The following CNTN1 variants were observed in gnomAD, a reference collection of about 807,000 sequenced individuals.
CNTN1 encodes contactin 1.
In CNTN1, 38 loss-of-function variants were observed where a neutral mutation model predicts 126.4. The ratio of observed to expected loss-of-function variants is 0.30; its 90% CI spans 0.23 to 0.39. CNTN1 has a LOEUF of 0.39. Among genes scored for constraint, CNTN1 ranks in the 10% least tolerant of loss-of-function variants. The pLI is 1.00. For synonymous variants in CNTN1, 413 were observed against 422.6 expected, an observed-to-expected ratio of 0.98 and a Z score of 0.28; for missense variants, 1,009 against 1,248.4, an observed-to-expected ratio of 0.81 and a Z score of 2.89.
chr12:40,699,758 TA>T (rs111410321), intron 1 of CNTN1, among the ~76,000 whole-genome samples: 85 of 146,178 alleles, frequency 5.8e-4, no homozygotes, highest in East Asian at 4.6e-3. Context: ...CATTTACAGA[TA>T]AAAAAAAAAA....
intron 23 of CNTN1, among the ~76,000 whole-genome samples, chr12:41,033,373 T>A (rs1231559259): frequency 6.6e-6 from 1 of 152,182 alleles, no homozygotes; most frequent in Non-Finnish European, 1.5e-5. Context: ...ATAAGCTAAT[T>A]TGGATTACTA....
chr12:40,889,695 AG>A (rs1235119433), intron 1 of CNTN1, among the ~76,000 whole-genome samples: 3 of 152,218 alleles, frequency 2.0e-5, no homozygotes, highest in Non-Finnish European at 4.4e-5. Flanking sequence ...TATTAAAAAA[AG>A]ATAATTCACA....
At chr12:40,834,605 G>C (rs2136561738) in intron 1 of CNTN1, among the ~76,000 whole-genome samples, 1 of 152,154 alleles carries the variant, frequency 6.6e-6, no homozygotes, top group South Asian at 2.1e-4. Context: ...TGAAGAACTG[G>C]GTGGATAGGC....
chr12:40,956,828 G>A (rs1566033894), intron 14 of CNTN1, among the ~76,000 whole-genome samples: 1 of 152,066 alleles, frequency 6.6e-6, no homozygotes, highest in African/African-American at 2.4e-5. Flanking sequence ...TTTTTAAAAG[G>A]TTATTCTAGG....
At chr12:40,704,727 G>T (rs1035158266) in intron 1 of CNTN1, among the ~76,000 whole-genome samples, 1 of 152,142 alleles carries the variant, frequency 6.6e-6, no homozygotes, top group South Asian at 2.1e-4. Context: ...CTAAGGAAAA[G>T]ATGTACAGTA....
intron 23 of CNTN1, among the ~76,000 whole-genome samples, chr12:41,034,589 A>G (rs1949215664): frequency 6.6e-6 from 1 of 152,224 alleles, no homozygotes; most frequent in South Asian, 2.1e-4. Context: ...TGTCTCTTCA[A>G]CCATCTTGAA....
At chr12:40,838,809 C>CAA (rs1470035511) in intron 1 of CNTN1, among the ~76,000 whole-genome samples, 1 of 152,066 alleles carries the variant, frequency 6.6e-6, no homozygotes, top group Non-Finnish European at 1.5e-5. Context: ...TAGGAAGAAG[C>CAA]AACAGTTACA....
intron 1 of CNTN1, among the ~76,000 whole-genome samples, chr12:40,830,106 CCTCT>C (rs1167702776): frequency 6.6e-6 from 1 of 152,106 alleles, no homozygotes; most frequent in Non-Finnish European, 1.5e-5. Context: ...CTTATCTAAA[CCTCT>C]CTGTCTTCTT....
intron 1 of CNTN1, among the ~76,000 whole-genome samples, chr12:40,849,887 T>C (rs1467659778): frequency 2.0e-5 from 3 of 152,014 alleles, no homozygotes; most frequent in African/African-American, 4.8e-5. Flanking sequence ...ACATACAGTA[T>C]ATATATAGTA....
intron 6 of CNTN1, among the ~76,000 whole-genome samples, chr12:40,924,881 C>CATATATAGATATATATATATAT (rs1945585782): frequency 8.9e-6 from 1 of 112,092 alleles, no homozygotes; most frequent in Admixed American, 8.8e-5. Context: ...AGTTTATAAA[C>CATATATAGATATATATATATAT]ATATATATAT....
At chr12:41,048,887 A>G (rs980364992) in intron 23 of CNTN1, among the ~76,000 whole-genome samples, 1 of 152,192 alleles carries the variant, frequency 6.6e-6, no homozygotes, top group African/African-American at 2.4e-5. Context: ...ATAATTTATC[A>G]TCTTCACCAC....
intron 9 of CNTN1, among the ~76,000 whole-genome samples, chr12:40,934,624 A>G (rs1946017529): frequency 6.6e-6 from 1 of 151,836 alleles, no homozygotes; most frequent in Non-Finnish European, 1.5e-5. Context: ...CTTCCACAAT[A>G]TTATTCGTTT....
intron 7 of CNTN1, among the ~76,000 whole-genome samples, chr12:40,930,568 T>A (rs11179084): frequency 6.6e-6 from 1 of 151,882 alleles, no homozygotes; most frequent in Non-Finnish European, 1.5e-5. Context: ...CAGGCTCCAA[T>A]TGAACTACTT....
At chr12:41,045,795 TA>T (rs1231647538) in intron 23 of CNTN1, among the ~76,000 whole-genome samples, 2 of 152,066 alleles carry the variant, frequency 1.3e-5, no homozygotes, top group Non-Finnish European at 2.9e-5. Context: ...CAAAACAAAA[TA>T]AATAATTTAG....
chr12:41,050,833 C>T (rs1442932532), intron 23 of CNTN1, among the ~76,000 whole-genome samples: 1 of 152,096 alleles, frequency 6.6e-6, no homozygotes, highest in African/African-American at 2.4e-5. Context: ...TCATTATTGC[C>T]TCCCTAGGAA....
At chr12:41,000,279 G>A (rs1407715711) in intron 17 of CNTN1, among the ~76,000 whole-genome samples, 1 of 152,140 alleles carries the variant, frequency 6.6e-6, no homozygotes, top group Non-Finnish European at 1.5e-5. Context: ...ACAAATTGCA[G>A]TATAATATTT....
At chr12:41,042,667 A>G (rs551279518) in intron 23 of CNTN1, among the ~76,000 whole-genome samples, 1 of 152,186 alleles carries the variant, frequency 6.6e-6, no homozygotes, top group Non-Finnish European at 1.5e-5. Flanking sequence ...TTCATATGGA[A>G]CCAAAAAAGA....
At chr12:40,719,993 C>T (rs570782061) in intron 1 of CNTN1, among the ~76,000 whole-genome samples, 17 of 150,996 alleles carry the variant, frequency 1.1e-4, no homozygotes, top group East Asian at 3.9e-4. Context: ...GCATGCACCA[C>T]GCCCGGTTAA....
chr12:40,747,315 G>GTGTGTGTGTGTA (rs1938225169), intron 1 of CNTN1, among the ~76,000 whole-genome samples: 1 of 151,626 alleles, frequency 6.6e-6, no homozygotes, highest in Admixed American at 6.6e-5. Flanking sequence ...ATGTGTGTGT[G>GTGTGTGTGTGTA]TGTGTGTGTG....
Sources: gnomAD v4.1 joint callset for allele counts (sites outside exome capture counted in the v4.1 genomes callset) on GRCh38, gnomAD v4.1.1 for gene constraint, MANE v1.5 for transcripts, NCBI Gene and HGNC (gene_info 2026-07-23, HGNC 2026-07-21) for gene names.